Variants in DOCK10 observed in about 807,000 individuals in gnomAD.
DOCK10 encodes the protein dedicator of cytokinesis 10.
Under a neutral mutation model 280.1 loss-of-function variants are expected in DOCK10, and 145 were observed. The observed-to-expected ratio is 0.52, with a 90% CI of 0.45 to 0.59. The LOEUF is 0.59. Ranked by LOEUF, DOCK10 falls within the 20% of genes least tolerant of loss-of-function variation. The pLI, the probability that DOCK10 is intolerant of heterozygous loss-of-function variation, is 0.00. For synonymous variants in DOCK10, 915 were observed against 942.2 expected, an observed-to-expected ratio of 0.97 and a Z score of 0.53; for missense variants, 2,368 against 2,651.7, an observed-to-expected ratio of 0.89 and a Z score of 2.35.
chr2:225,020,095 G>T (rs1559968168), intron 1 of DOCK10, among the ~76,000 whole-genome samples: 1 of 152,034 alleles, frequency 6.6e-6, no homozygotes, highest in Non-Finnish European at 1.5e-5. Context: ...TTCATAACTT[G>T]AAACTGCCAA....
At chr2:224,926,669 T>A (rs536493194) in intron 2 of DOCK10, among the ~76,000 whole-genome samples, 1 of 152,286 alleles carries the variant, frequency 6.6e-6, no homozygotes, top group South Asian at 2.1e-4. Flanking sequence ...ATATGTTGAG[T>A]TGAGTTGTGC....
At position 224,770,159 on chromosome 2, in the gene DOCK10, C is replaced by A; in HGVS notation, c.6444+52G>T. 6.9e-7 allele frequency: 1 copy of A among 1,440,932 alleles called. No homozygotes were observed. The highest frequency in any genetic ancestry group is 9.1e-7 in the Non-Finnish European group (1 of 1,095,136). The allele number at this position is 1,440,932 out of a possible 1,614,324, so 89.3% of individuals were successfully genotyped here. On this transcript the variant is annotated intron_variant, in intron 55 of 55. Transcript: ENST00000258390. This position sits in a 1 kb window ranked among gnomAD's most constrained non-coding sequence, Gnocchi z 4.5. ...TTTCCTGTCCTTCTGGCATTGGGAG[C>A]GAAAGGGACTTTCTGTCCACTGATA...
intron 1 of DOCK10, among the ~76,000 whole-genome samples, chr2:225,003,499 G>A (rs1449600875): frequency 1.3e-5 from 2 of 152,126 alleles, no homozygotes; most frequent in African/African-American, 4.8e-5. Flanking sequence ...ACTCGAATCA[G>A]AAGAAAGACC....
Position 224,808,093 on chromosome 2 carries a change from G to A in DOCK10, c.3410-7C>T, listed in dbSNP as rs768287734. 1.0e-5 allele frequency: 16 copies of A among 1,606,884 alleles called. No individual in the cohort carries two copies. Among genetic ancestry groups the A allele is most frequent in the African/African-American group, 1.3e-5 (1 of 74,724 alleles). Reference sequence around the variant, plus strand: ...ACTGAATATTCAGGCATATCTTTGTGAGGAAGGAAAATAACTCATGTTATT... The same window carrying A: ...ACTGAATATTCAGGCATATCTTTGTAAGGAAGGAAAATAACTCATGTTATT... On this transcript the variant is annotated splice_region_variant and splice_polypyrimidine_tract_variant and intron_variant, in intron 31 of 55. Transcript: ENST00000258390.
At chr2:224,862,614 T>C (rs1559591846) in intron 14 of DOCK10, 50 bp downstream of exon 14, 1 of 1,478,210 alleles carries the variant, frequency 6.8e-7, no homozygotes, top group South Asian at 1.1e-5. Flanking sequence ...AAGCTTCCAA[T>C]GCCACCATTA....
intron 1 of DOCK10, among the ~76,000 whole-genome samples, chr2:224,966,871 TCATCTAGAAG>T (rs1472132910): frequency 6.6e-6 from 1 of 151,150 alleles, no homozygotes; most frequent in African/African-American, 2.4e-5. Context: ...GTTAAATAGC[TCATCTAGAAG>T]CAGGTACTCA....
At chr2:224,869,851 A>G (rs1698157795) in intron 11 of DOCK10, among the ~76,000 whole-genome samples, 1 of 152,254 alleles carries the variant, frequency 6.6e-6, no homozygotes, top group South Asian at 2.1e-4. Context: ...TGCCCCTGGC[A>G]GTAGAAAGAA....
rs957987571 is a variant in DOCK10, at chr2:225,009,589, A to G, written c.123+32663T>C. On this transcript the variant is annotated intron_variant, in intron 1 of 55. Transcript: ENST00000258390. ...AGCAGAATGTCGTCTGCAGAGAAGA[A>G]ATGCAGAAATGCAGTTGAAGGGAAC... Among the ~76,000 whole-genome samples, 4 of 151,668 alleles carry G rather than the reference A, an allele frequency of 2.6e-5. No individual in the cohort carries two copies. In the East Asian group the frequency reaches 7.8e-4, roughly 30 times the overall value.
At chr2:224,876,480 G>A (rs1330298125) in intron 7 of DOCK10, among the ~76,000 whole-genome samples, 2 of 152,016 alleles carry the variant, frequency 1.3e-5, no homozygotes, top group African/African-American at 4.8e-5. Context: ...ATTTCATCAC[G>A]GGCATGTGCT....
chr2:224,765,785 CG>C lies in DOCK10; in HGVS notation c.6496del (p.Arg2166GlufsTer2). ...GGCCGGAGTTGCTTTGCTAATTACT[CG>C]AGTGCAGGTTTGGTCCACTCCGCGC... ...SKRGVDQTCT[R>X]VISKATPALP... is the part of the protein sequence containing the mutation. On this transcript the variant is annotated frameshift_variant, in exon 56 of 56. Transcript: ENST00000258390. LOFTEE classifies it low-confidence loss of function (END_TRUNC). 6.2e-7 allele frequency: 1 copy of C among 1,613,856 alleles called. No individual in the cohort carries two copies.
chr2:224,789,028 C>T (rs745692622), intron 48 of DOCK10, 36 bp downstream of exon 48: 107 of 1,361,774 alleles, frequency 7.9e-5, no homozygotes, highest in Non-Finnish European at 1.0e-4. Context: ...GCATCTCTTT[C>T]CTTCGTTACT....
chr2:224,867,995 T>G (rs1698038860), intron 11 of DOCK10, among the ~76,000 whole-genome samples: 1 of 152,152 alleles, frequency 6.6e-6, no homozygotes, highest in African/African-American at 2.4e-5. Context: ...TGGATGTGTG[T>G]TTTGAGCCAA....
chr2:224,791,712 G>T (rs1692209913), intron 47 of DOCK10, among the ~76,000 whole-genome samples: 1 of 150,130 alleles, frequency 6.7e-6, no homozygotes, highest in Non-Finnish European at 1.5e-5. Context: ...CTGACCTTGT[G>T]ATCCACCTGC....
At chr2:224,822,597 T>C (rs1694570176) in intron 28 of DOCK10, among the ~76,000 whole-genome samples, 1 of 152,000 alleles carries the variant, frequency 6.6e-6, no homozygotes, top group South Asian at 2.1e-4. Context: ...TGTGTCTGTG[T>C]CCTACTCAGG....
intron 3 of DOCK10, among the ~76,000 whole-genome samples, chr2:224,902,783 C>T (rs1700370420): frequency 1.3e-5 from 2 of 151,576 alleles, no homozygotes; most frequent in South Asian, 4.2e-4. Context: ...AGTATACAAA[C>T]CAGTTGAACA....
intron 4 of DOCK10, among the ~76,000 whole-genome samples, chr2:224,895,780 C>T (rs562108891): frequency 5.0e-5 from 7 of 139,528 alleles, no homozygotes; most frequent in Middle Eastern, 6.8e-3. Context: ...TCCTGAGAGT[C>T]AGGAAAAAAT....
At chr2:224,891,845 T>C (rs10168032) in intron 4 of DOCK10, among the ~76,000 whole-genome samples, 35,889 of 152,090 alleles carry the variant, frequency 0.24, 5,812 homozygotes, top group African/African-American at 0.47. Context: ...TCACTGGTGG[T>C]TTTTCTTAAT....
At chr2:224,793,214 GAATA>G (rs1692326973) in intron 46 of DOCK10, 142 bp from the exon 47 acceptor site, 4 of 824,124 alleles carry the variant, frequency 4.9e-6, no homozygotes, top group Non-Finnish European at 7.6e-6. Flanking sequence ...GCTGTACATA[GAATA>G]AATAAGTCAA....
intron 55 of DOCK10, among the ~76,000 whole-genome samples, chr2:224,769,190 C>T (rs187121661): frequency 3.9e-4 from 59 of 152,330 alleles, no homozygotes; most frequent in Middle Eastern, 3.4e-3. Flanking sequence ...ATCCTATCTA[C>T]GGCAATTCAT....
Sources: gnomAD v4.1 joint callset for allele counts (sites outside exome capture counted in the v4.1 genomes callset) on GRCh38, gnomAD v4.1.1 for gene constraint, Gnocchi (gnomAD v3.1) non-coding constraint, MANE v1.5 for transcripts, NCBI Gene and HGNC (gene_info 2026-07-23, HGNC 2026-07-21) for gene names.